ASXL2: variants seen among roughly 807,000 people sequenced by gnomAD.
The protein encoded by ASXL2 is ASXL transcriptional regulator 2.
In ASXL2, 23 loss-of-function variants were observed where a neutral mutation model predicts 122.0. The observed-to-expected ratio is 0.19, with a 90% CI of 0.14 to 0.27. ASXL2 has a LOEUF of 0.27. Ranked by LOEUF, ASXL2 falls within the 10% of genes least tolerant of loss-of-function variation. ASXL2 has a pLI of 1.00. For missense variants in ASXL2, 1,518 were observed against 1,713.8 expected (o/e 0.89, Z 2.02); for synonymous variants, 650 against 637.0 (o/e 1.02, Z -0.31).
rs565989176 is a variant in ASXL2 at position 25,773,141 on chromosome 2, G to C, written c.404-1601C>G. On this transcript the variant is annotated intron_variant, in intron 5 of 12. Coordinates refer to ENST00000435504, the MANE Select transcript of ASXL2 (RefSeq NM_018263.6). ...GAGAATCCCTTGAACCCTGGAGGCG[G>C]AGGTTGCAGTGAGCCGAGATCGCAC... Among the ~76,000 whole-genome samples the C allele has an allele frequency of 5.3e-5, 8 of 151,892 alleles. No individual in the cohort carries two copies. In the South Asian group the frequency reaches 1.7e-3, roughly 32 times the overall value.
intron 1 of ASXL2, among the ~76,000 whole-genome samples, chr2:25,847,298 C>T (rs988828046): frequency 2.0e-5 from 3 of 152,182 alleles, no homozygotes; most frequent in Admixed American, 6.5e-5. Flanking sequence ...CTGTTCCCTT[C>T]GCAGACATCA....
chr2:25,813,973 C>G (rs186415309), intron 3 of ASXL2, among the ~76,000 whole-genome samples: 1,778 of 152,252 alleles, frequency 0.012, 25 homozygotes, highest in Non-Finnish European at 0.021. Context: ...TGGCGTGAAC[C>G]CAGGAGGCGG....
At chr2:25,807,738 G>A (rs967305656) in intron 3 of ASXL2, among the ~76,000 whole-genome samples, 8 of 152,084 alleles carry the variant, frequency 5.3e-5, no homozygotes, top group Non-Finnish European at 1.0e-4. Context: ...GTTGGTGGAA[G>A]AAAACAGAAA....
intron 3 of ASXL2, chr2:25,822,794 G>A: frequency 1.8e-6 from 1 of 570,444 alleles, no homozygotes; most frequent in Non-Finnish European, 3.5e-6. Context: ...GGAAACACTG[G>A]GAAGATGGTT....
chr2:25,815,052 A>G (rs572025777), intron 3 of ASXL2, among the ~76,000 whole-genome samples: 3 of 152,268 alleles, frequency 2.0e-5, no homozygotes, highest in African/African-American at 7.2e-5. Context: ...CCAACTTACT[A>G]TCCTACCCTA....
At chr2:25,842,790 GTGTATATATA>G (rs1559526315) in intron 2 of ASXL2, among the ~76,000 whole-genome samples, 1 of 112,656 alleles carries the variant, frequency 8.9e-6, no homozygotes, top group African/African-American at 3.4e-5. Context: ...GTGTGTGTGT[GTGTATATATA>G]TATATATATA....
intron 3 of ASXL2, among the ~76,000 whole-genome samples, chr2:25,811,037 C>T (rs1239936330): frequency 7.2e-6 from 1 of 139,358 alleles, no homozygotes; most frequent in Non-Finnish European, 1.6e-5. Context: ...ACCCCTGTCT[C>T]TACAAAAAAT....
At chr2:25,765,775 G>T (rs536738505) in intron 8 of ASXL2, among the ~76,000 whole-genome samples, 68 of 152,090 alleles carry the variant, frequency 4.5e-4, no homozygotes, top group African/African-American at 1.5e-3. Context: ...TAGAATATGC[G>T]CTCCATGAGG....
At chr2:25,850,933 G>C (rs2089708415) in intron 1 of ASXL2, among the ~76,000 whole-genome samples, 1 of 152,212 alleles carries the variant, frequency 6.6e-6, no homozygotes, top group African/African-American at 2.4e-5. Flanking sequence ...GAGGTCAGGA[G>C]TTTGAGACCA....
At chr2:25,770,623 T>C (rs2088432431) in intron 6 of ASXL2, among the ~76,000 whole-genome samples, 1 of 151,912 alleles carries the variant, frequency 6.6e-6, no homozygotes, top group Non-Finnish European at 1.5e-5. Flanking sequence ...GGCGTGGTGA[T>C]GGGTGCCTGT....
chr2:25,828,681 C>T lies in ASXL2; in HGVS notation c.143+6857G>A, dbSNP rs183175299. On this transcript the variant is annotated intron_variant, in intron 3 of 12. Transcript: ENST00000435504. ...TCTACTAAAAATACAAAAAATTAGC[C>T]GGGAGTGGTGGCAGGCACCTGTAAT... 9.3e-5 allele frequency among the ~76,000 whole-genome samples: 14 copies of T among 151,190 alleles called. 1 individual carries two copies. The East Asian group carries it at 2.7e-3, about 30-fold the overall frequency.
At chr2:25,770,458 A>G (rs1035370047) in intron 6 of ASXL2, among the ~76,000 whole-genome samples, 1 of 152,172 alleles carries the variant, frequency 6.6e-6, no homozygotes, top group Admixed American at 6.5e-5. Context: ...GTACAGTGTA[A>G]TATTAAAAAA....
intron 5 of ASXL2, among the ~76,000 whole-genome samples, chr2:25,796,994 A>G (rs2088920634): frequency 6.6e-6 from 1 of 152,236 alleles, no homozygotes; most frequent in Admixed American, 6.5e-5. Context: ...AACTCCCAGA[A>G]CATAACATAA....
At chr2:25,773,576 G>A (rs887854464) in intron 5 of ASXL2, among the ~76,000 whole-genome samples, 6 of 150,580 alleles carry the variant, frequency 4.0e-5, no homozygotes, top group Non-Finnish European at 7.4e-5. Flanking sequence ...TGAAGCAGGA[G>A]AATGGCATGA....
In ASXL2 at chr2:25,756,685, C is replaced by T. The variant is rs550499172; in HGVS notation, c.940-571G>A. ...GGTAAACCTTCTGTAAAGGGCTAGA[C>T]CACAAATACTTTAACTTTGCAGGCC... On this transcript the variant is annotated intron_variant, in intron 9 of 12. Transcript: ENST00000435504. Among the ~76,000 whole-genome samples the T allele has an allele frequency of 3.3e-5, 5 of 152,294 alleles. No individual in the cohort carries two copies. In the East Asian group the frequency reaches 9.6e-4, roughly 29 times the overall value.
chr2:25,803,888 G>T (rs1281858844), intron 4 of ASXL2, among the ~76,000 whole-genome samples: 1 of 152,194 alleles, frequency 6.6e-6, no homozygotes, highest in African/African-American at 2.4e-5. Flanking sequence ...GCTGATGTCT[G>T]CTGGAGAATT....
chr2:25,870,129 C>T (rs764563294), intron 1 of ASXL2, among the ~76,000 whole-genome samples: 15 of 152,116 alleles, frequency 9.9e-5, no homozygotes, highest in Non-Finnish European at 1.5e-4. Flanking sequence ...AGCCACAGTT[C>T]ACCATGGAAG....
intron 5 of ASXL2, among the ~76,000 whole-genome samples, chr2:25,773,509 C>CA (rs935414457): frequency 1.3e-4 from 20 of 151,348 alleles, no homozygotes; most frequent in South Asian, 1.0e-3. Context: ...ACTAAAAATA[C>CA]AAAAAAATTA....
rs551326775 is a variant in ASXL2 at position 25,770,297 on chromosome 2, G to A, written c.504+1143C>T. Reference sequence around the variant, plus strand: ...GATCTCGGCTCACTGTAATCTCCACGTCCTGGGTTCAAATGATTCTCTCAT... The same window carrying A: ...GATCTCGGCTCACTGTAATCTCCACATCCTGGGTTCAAATGATTCTCTCAT... On this transcript the variant is annotated intron_variant, in intron 6 of 12. Coordinates refer to ENST00000435504, the MANE Select transcript of ASXL2 (RefSeq NM_018263.6). Among the ~76,000 whole-genome samples, 3 of 151,930 alleles carry A rather than the reference G, an allele frequency of 2.0e-5. No homozygotes were observed. The East Asian group carries it at 5.8e-4, about 29-fold the overall frequency.
Sources: allele counts gnomAD v4.1 joint callset (sites outside exome capture counted in the v4.1 genomes callset), GRCh38; gene constraint gnomAD v4.1.1; transcripts MANE v1.5; gene names NCBI Gene and HGNC (gene_info 2026-07-23, HGNC 2026-07-21).